Variants in ERAP2 observed in about 807,000 individuals in gnomAD.
The protein encoded by ERAP2 is leukocyte-derived arginine aminopeptidase.
ERAP2 carries 118 observed loss-of-function variants against 111.1 expected under a neutral mutation model. The ratio of observed to expected loss-of-function variants is 1.06; its 90% CI spans 0.92 to 1.24. The LOEUF (loss-of-function observed/expected upper bound fraction) is 1.24. Ranked by LOEUF, ERAP2 falls within the 50% of genes most tolerant of loss-of-function variation. The pLI is 0.00. For missense variants in ERAP2, 1,131 were observed against 1,125.8 expected, an observed-to-expected ratio of 1.00 and a Z score of -0.07; for synonymous variants, 410 against 401.2, an observed-to-expected ratio of 1.02 and a Z score of -0.26.
At chr5:96,890,991 G>T (rs1559355) in intron 5 of ERAP2, among the ~76,000 whole-genome samples, 83,472 of 151,952 alleles carry the variant, frequency 0.55, 22,956 homozygotes, top group Admixed American at 0.6. Context: ...AAATAGAGCA[G>T]ATATAAGTCC....
At chr5:96,876,230 G>C (rs570519348), upstream of ERAP2, 1 of 152,332 alleles carries the variant, frequency 6.6e-6, no homozygotes, top group Non-Finnish European at 1.5e-5. Context: ...TGTTCTGAAG[G>C]CTTTACCCTG....
chr5:96,878,336 C>A (rs1782768415), intron 1 of ERAP2, among the ~76,000 whole-genome samples: 1 of 152,038 alleles, frequency 6.6e-6, no homozygotes, highest in Non-Finnish European at 1.5e-5. Flanking sequence ...AACCTTTACA[C>A]CAGTAGCCAT....
At chr5:96,913,194 A>T (rs1336262617) in intron 16 of ERAP2, 123 bp from the exon 17 acceptor site, 2 of 713,604 alleles carry the variant, frequency 2.8e-6, no homozygotes, top group East Asian at 6.0e-5. Flanking sequence ...ACATTAAAAA[A>T]TTGGTAATTA....
intron 9 of ERAP2, among the ~76,000 whole-genome samples, chr5:96,899,586 T>C (rs1319467513): frequency 6.6e-6 from 1 of 152,244 alleles, no homozygotes. Flanking sequence ...GTTGGTACTT[T>C]TCTTAATTCT....
In ERAP2 at chr5:96,889,269, A is replaced by G; in HGVS notation, c.934A>G (p.Lys312Glu). ...ASLKLLDFYE[K>E]YFDIYYPLSK... The stretch of plus-strand genomic sequence containing the variant: ...ACTGAAGCTACTTGATTTTTATGAA[A>G]AGTACTTTGATATCTACTATCCACT... Residue 312 changes from lysine (K) to glutamate (E), a missense_variant, in exon 5 of 19, where the codon AAG becomes GAG. By Grantham distance (56) the Lys-to-Glu change is moderately conservative (BLOSUM62 1). Coordinates refer to ENST00000437043, the MANE Select transcript of ERAP2 (RefSeq NM_022350.5). 2.5e-6 allele frequency: 4 copies of G among 1,613,962 alleles called. No individual in the cohort carries two copies. In the Middle Eastern group the frequency reaches 4.9e-4, roughly 200 times the overall value.
intron 18 of ERAP2, among the ~76,000 whole-genome samples, chr5:96,917,121 A>G (rs1239186291): frequency 6.6e-6 from 1 of 152,012 alleles, no homozygotes. Flanking sequence ...TTGTTTCTTT[A>G]TTTTTGAAAC....
chr5:96,906,263 T>TTCTTCTTCTTCAAGGGCTTTGC (rs1786074722), intron 13 of ERAP2, among the ~76,000 whole-genome samples: 1 of 151,894 alleles, frequency 6.6e-6, no homozygotes, highest in African/African-American at 2.4e-5. Flanking sequence ...CTTCTTCCTC[T>TTCTTCTTCTTCAAGGGCTTTGC]TCTTCTTCTT....
At chr5:96,895,216 T>A (rs1784757421) in intron 6 of ERAP2, 30 bp from the exon 7 acceptor site, 2 of 1,312,816 alleles carry the variant, frequency 1.5e-6, no homozygotes, top group Non-Finnish European at 2.2e-6. Context: ...TTTGTTTAAC[T>A]TCTAATAATA....
At chr5:96,911,510 T>C (rs1489924429) in intron 15 of ERAP2, among the ~76,000 whole-genome samples, 2 of 151,932 alleles carry the variant, frequency 1.3e-5, no homozygotes, top group African/African-American at 4.8e-5. Flanking sequence ...AATTATAAAA[T>C]AACTAGACAC....
intron 7 of ERAP2, among the ~76,000 whole-genome samples, 175 bp from the exon 8 acceptor site, chr5:96,896,198 A>G (rs1466396814): frequency 6.6e-6 from 1 of 152,166 alleles, no homozygotes; most frequent in African/African-American, 2.4e-5. Flanking sequence ...GAGAAACTTT[A>G]AAAAGATGTA....
At chr5:96,917,417 G>C in intron 18 of ERAP2, 45 bp from the exon 19 acceptor site, 1 of 1,521,694 alleles carries the variant, frequency 6.6e-7, no homozygotes. Flanking sequence ...CACCACACTC[G>C]GCCAAGACAA....
At position 96,881,743 on chromosome 5, in the gene ERAP2, G is replaced by A. The variant is rs181702651; in HGVS notation, c.575+1483G>A. Among the ~76,000 whole-genome samples the A allele has an allele frequency of 5.3e-5, 8 of 152,234 alleles. No homozygotes were observed. In the East Asian group the frequency reaches 7.7e-4, roughly 15 times the overall value. ...TGATTGCTGCACCTCTAGGCATCAA[G>A]TCCACATTCTAGGCAGGAAGAAGGG... On this transcript the variant is annotated intron_variant, in intron 2 of 18. Coordinates refer to ENST00000437043, the MANE Select transcript of ERAP2 (RefSeq NM_022350.5).
intron 18 of ERAP2, among the ~76,000 whole-genome samples, chr5:96,916,193 C>G (rs1229478226): frequency 4.0e-5 from 6 of 151,496 alleles, no homozygotes; most frequent in Non-Finnish European, 7.4e-5. Context: ...TGCACTCCAG[C>G]CTGGGTGACA....
intron 15 of ERAP2, among the ~76,000 whole-genome samples, chr5:96,911,406 C>T (rs375581600): frequency 2.0e-5 from 3 of 152,264 alleles, no homozygotes; most frequent in African/African-American, 4.8e-5. Context: ...AGAATAAAAA[C>T]TGGTTAATGT....
chr5:96,899,980 TCC>T, intron 9 of ERAP2, 139 bp from the exon 10 acceptor site: 1 of 1,021,178 alleles, frequency 9.8e-7, no homozygotes, highest in Admixed American at 2.7e-5. Flanking sequence ...TGCCTTTTTT[TCC>T]ATTTTTATGT....
chr5:96,915,841 A>G, intron 18 of ERAP2, 72 bp downstream of exon 18: 3 of 1,302,118 alleles, frequency 2.3e-6, no homozygotes, highest in Non-Finnish European at 3.2e-6. Flanking sequence ...AAACTTAGAT[A>G]TAATCTGATT....
Position 96,879,575 on chromosome 5 carries a change from G to A in ERAP2, c.-111G>A, listed in dbSNP as rs970393007. The A allele has an allele frequency of 1.4e-5, 10 of 724,740 alleles. No individual in the cohort carries two copies. Among genetic ancestry groups the A allele is most frequent in the Admixed American group, 8.2e-5 (3 of 36,558 alleles). 44.9% of individuals were successfully genotyped at this position (724,740 alleles called of 1,614,324 possible). A position where few individuals can be genotyped will look rare whatever the true frequency, so the allele number is the denominator to read the frequency against. ...TTTTTTTCTTCTAGATTAAATTCATGTATTGAAAATATTGTTCAGACCCCA... is the reference window on the plus strand; with the variant it reads ...TTTTTTTCTTCTAGATTAAATTCATATATTGAAAATATTGTTCAGACCCCA... On this transcript the variant is annotated 5_prime_UTR_variant, in exon 2 of 19. The change abolishes an upstream ATG in the 5' untranslated region. Coordinates refer to ENST00000437043, the MANE Select transcript of ERAP2 (RefSeq NM_022350.5).
At chr5:96,912,561 A>G in intron 15 of ERAP2, 76 bp from the exon 16 acceptor site, 1 of 1,061,974 alleles carries the variant, frequency 9.4e-7, no homozygotes, top group Non-Finnish European at 1.4e-6. Context: ...ATTGTGTTAT[A>G]GGACTTAAAA....
rs1042033195 is a variant in ERAP2 at position 96,900,333 on chromosome 5, G to A, written c.1572+144G>A. ...CCACGATTTTCTCTAAAACAAAACT[G>A]AAGGGGAAATGCTTGGGGTATTTAG... On this transcript the variant is annotated intron_variant, in intron 10 of 18. Coordinates refer to ENST00000437043, the MANE Select transcript of ERAP2 (RefSeq NM_022350.5). 1.4e-5 allele frequency: 18 copies of A among 1,300,058 alleles called. No homozygotes were observed. In the East Asian group the frequency reaches 3.4e-4, roughly 24 times the overall value. The allele number at this position is 1,300,058 out of a possible 1,614,324, so 80.5% of individuals were successfully genotyped here. A position where few individuals can be genotyped will look rare whatever the true frequency, so the allele number is the denominator to read the frequency against.
Sources: allele counts gnomAD v4.1 joint callset (sites outside exome capture counted in the v4.1 genomes callset), GRCh38; gene constraint gnomAD v4.1.1; transcripts MANE v1.5; gene names NCBI Gene and HGNC (gene_info 2026-07-23, HGNC 2026-07-21).